The following RANBP3 variants were observed in gnomAD, a reference collection of about 807,000 sequenced individuals.
RANBP3 encodes the protein ran-binding protein 3.
RANBP3 carries 14 observed loss-of-function variants against 77.3 expected under a neutral mutation model. That is an observed-to-expected ratio of 0.18 (90% confidence interval 0.12 to 0.28). The LOEUF (loss-of-function observed/expected upper bound fraction) is 0.28. Among genes scored for constraint, RANBP3 ranks in the 10% least tolerant of loss-of-function variants. The pLI, the probability that RANBP3 is intolerant of heterozygous loss-of-function variation, is 1.00. For missense variants in RANBP3, 586 were observed against 752.3 expected, an observed-to-expected ratio of 0.78 and a Z score of 2.59; for synonymous variants, 315 against 312.4, an observed-to-expected ratio of 1.01 and a Z score of -0.09.
At chr19:5,923,713 T>C in intron 12 of RANBP3, 99 bp downstream of exon 12, 1 of 889,774 alleles carries the variant, frequency 1.1e-6, no homozygotes, top group South Asian at 1.5e-5. Context: ...GCTGCGGGAG[T>C]CGGGCCCCTT....
chr19:5,963,089 A>G (rs1200855382), intron 1 of RANBP3, among the ~76,000 whole-genome samples: 2 of 152,216 alleles, frequency 1.3e-5, no homozygotes, highest in East Asian at 3.8e-4. Flanking sequence ...GAAGACCTTT[A>G]ATATTAAAAT....
Position 5,924,053 on chromosome 19 carries a change from C to A in RANBP3, c.997-139G>T. On this transcript the variant is annotated intron_variant, in intron 11 of 16. Coordinates refer to ENST00000340578, the MANE Select transcript of RANBP3 (RefSeq NM_007322.3). This position sits in a 1 kb window ranked among gnomAD's most constrained non-coding sequence, Gnocchi z 4.7. ...CCACTCCCGGTGACACCCTGAACTGCCTGGGAGCTCCCCACGTGGTCCCTC... is the reference window on the plus strand; with the variant it reads ...CCACTCCCGGTGACACCCTGAACTGACTGGGAGCTCCCCACGTGGTCCCTC... The A allele has an allele frequency of 1.5e-6, 1 of 654,938 alleles. No individual in the cohort carries two copies. Among genetic ancestry groups the A allele is most frequent in the Non-Finnish European group, 2.6e-6 (1 of 377,614 alleles). The allele number at this position is 654,938 out of a possible 1,614,324, so 40.6% of individuals were successfully genotyped here.
In RANBP3 at chr19:5,958,953, C is replaced by T. The variant is rs374412481; in HGVS notation, c.23-980G>A. The stretch of plus-strand genomic sequence containing the variant: ...GAGCAGGGTTTGGGAAGAGCCCTGC[C>T]TTCGCAGGCCCCCCGACCCCGGTCG... On this transcript the variant is annotated intron_variant, in intron 1 of 16. Coordinates refer to ENST00000340578, the MANE Select transcript of RANBP3 (RefSeq NM_007322.3). The surrounding 1 kb of genome is among the most constrained non-coding windows in gnomAD (Gnocchi z 4.4). Among the ~76,000 whole-genome samples, 6 of 152,358 alleles carry T rather than the reference C, an allele frequency of 3.9e-5. No homozygotes were observed. Among genetic ancestry groups the T allele is most frequent in the East Asian group, 1.9e-4 (1 of 5,166 alleles).
chr19:5,957,016 A>T (rs1460747448), intron 2 of RANBP3, among the ~76,000 whole-genome samples: 1 of 150,456 alleles, frequency 6.6e-6, no homozygotes, highest in Admixed American at 6.6e-5. Context: ...AGCGGGTATG[A>T]GGTGGGGAGT....
chr19:5,923,979 G>T (rs2145038576), intron 11 of RANBP3, 65 bp from the exon 12 acceptor site: 2 of 1,265,006 alleles, frequency 1.6e-6, no homozygotes, highest in East Asian at 2.4e-5. Flanking sequence ...GCAGCTCTGA[G>T]CACCTCTCTG....
In RANBP3 at chr19:5,917,506, G is replaced by C; in HGVS notation, c.*104C>G. On this transcript the variant is annotated 3_prime_UTR_variant, in exon 17 of 17. Transcript: ENST00000340578. ...CTGTGGCCGGCCCAGTGGGGTGTGT[G>C]GTTCCCGGCCCCGCACCTGGACGCT... 2 of 1,338,386 alleles carry C rather than the reference G, an allele frequency of 1.5e-6. No homozygotes were observed. Among genetic ancestry groups the C allele is most frequent in the Non-Finnish European group, 2.0e-6 (2 of 993,140 alleles). 82.9% of individuals were successfully genotyped at this position (1,338,386 alleles called of 1,614,324 possible).
intron 5 of RANBP3, among the ~76,000 whole-genome samples, chr19:5,940,134 C>G (rs1017427957): frequency 6.6e-6 from 1 of 152,202 alleles, no homozygotes; most frequent in African/African-American, 2.4e-5. Context: ...CCTCCAGTTA[C>G]CCTGGAGAGC....
intron 1 of RANBP3, among the ~76,000 whole-genome samples, chr19:5,967,405 C>A (rs2058480521): frequency 6.6e-6 from 1 of 152,182 alleles, no homozygotes; most frequent in Non-Finnish European, 1.5e-5. Flanking sequence ...ATCTCACCAC[C>A]AGATACTTAC....
At chr19:5,977,715 G>A (rs915700030) in intron 1 of RANBP3, among the ~76,000 whole-genome samples, 3 of 152,226 alleles carry the variant, frequency 2.0e-5, no homozygotes, top group Non-Finnish European at 2.9e-5. Context: ...AGGCCCTAAG[G>A]TCTATTTACA....
chr19:5,936,482 C>G (rs1226314340), intron 5 of RANBP3, among the ~76,000 whole-genome samples: 1 of 152,234 alleles, frequency 6.6e-6, no homozygotes, highest in African/African-American at 2.4e-5. Context: ...GTCCCCAGCT[C>G]TGTCCGCGGA....
At position 5,959,289 on chromosome 19, in the gene RANBP3, G is replaced by A. The variant is rs1245256312; in HGVS notation, c.23-1316C>T. Among the ~76,000 whole-genome samples, 1 of 152,132 alleles carries A rather than the reference G, an allele frequency of 6.6e-6. No homozygotes were observed. The highest frequency in any genetic ancestry group is 1.5e-5 in the Non-Finnish European group (1 of 68,010). On this transcript the variant is annotated intron_variant, in intron 1 of 16. Coordinates refer to ENST00000340578, the MANE Select transcript of RANBP3 (RefSeq NM_007322.3). This position sits in a 1 kb window ranked among gnomAD's most constrained non-coding sequence, Gnocchi z 5.1. ...TTTGGGGAAGGGAGTGAGAGTGGCT[G>A]TGGGGAGACCAGGTGGGTAGTGACT... is the stretch of plus-strand genomic sequence containing the variant.
rs767106412 is a variant in RANBP3 at position 5,917,920 on chromosome 19, G to A, written c.1534C>T (p.Arg512Cys). The change falls in exon 16 of 17, where the codon CGC becomes TGC. Residue 512 changes from arginine (R) to cysteine (C), a missense_variant. By Grantham distance (180) the Arg-to-Cys change is radical. This residue lies in a region of RANBP3 where 128 missense variants were observed against 157.0 expected (regional missense o/e 0.82). Transcript: ENST00000340578. ...AALHHRILAL[R>C]SRVEQEQEAK... ...TCCTGCTCCTGCTCCACGCGGCTGC[G>A]CAGGGCCAGGATGCGGTGGTGCAGG... 1.9e-6 allele frequency: 3 copies of A among 1,612,694 alleles called. No homozygotes were observed. The highest frequency in any genetic ancestry group is 2.2e-5 in the East Asian group (1 of 44,872).
chr19:5,973,103 T>C (rs1335979573), intron 1 of RANBP3, among the ~76,000 whole-genome samples: 4 of 152,220 alleles, frequency 2.6e-5, no homozygotes, highest in South Asian at 2.1e-4. Flanking sequence ...ACAGTGGAGG[T>C]GAAAGCACAC....
At chr19:5,972,624 T>C (rs1484026442) in intron 1 of RANBP3, among the ~76,000 whole-genome samples, 1 of 152,154 alleles carries the variant, frequency 6.6e-6, no homozygotes, top group Non-Finnish European at 1.5e-5. Flanking sequence ...CTGGTAAGTT[T>C]TGAGGAACGG....
At chr19:5,954,447 T>C (rs1186914254) in intron 2 of RANBP3, among the ~76,000 whole-genome samples, 1 of 152,088 alleles carries the variant, frequency 6.6e-6, no homozygotes, top group South Asian at 2.1e-4. Flanking sequence ...AATGGCCTCA[T>C]CCCTATGAGA....
intron 1 of RANBP3, among the ~76,000 whole-genome samples, chr19:5,964,768 G>A (rs1353020944): frequency 1.3e-5 from 2 of 150,366 alleles, no homozygotes; most frequent in African/African-American, 4.9e-5. Flanking sequence ...GCCTAGTACT[G>A]TGCTAATGCT....
chr19:5,970,297 A>G (rs2058515221), intron 1 of RANBP3, among the ~76,000 whole-genome samples: 1 of 152,104 alleles, frequency 6.6e-6, no homozygotes, highest in African/African-American at 2.4e-5. Context: ...TAGATGGCAC[A>G]AACCAGGGTG....
intron 1 of RANBP3, among the ~76,000 whole-genome samples, chr19:5,971,158 T>C (rs1190200158): frequency 1.3e-5 from 2 of 152,088 alleles, no homozygotes; most frequent in Non-Finnish European, 2.9e-5. Context: ...ATATTAGAAA[T>C]GAAACCTAAG....
At chr19:5,939,296 A>T (rs1176290780) in intron 5 of RANBP3, among the ~76,000 whole-genome samples, 1 of 152,266 alleles carries the variant, frequency 6.6e-6, no homozygotes, top group Non-Finnish European at 1.5e-5. Context: ...CCATGCAACC[A>T]GGCCCTGCTT....
Sources: allele counts gnomAD v4.1 joint callset (sites outside exome capture counted in the v4.1 genomes callset), GRCh38; gene constraint gnomAD v4.1.1; regional missense constraint gnomAD v4.1.1; non-coding constraint Gnocchi (gnomAD v3.1); transcripts MANE v1.5; gene names NCBI Gene and HGNC (gene_info 2026-07-23, HGNC 2026-07-21).